MAN1C1: variants seen among roughly 807,000 people sequenced by gnomAD.
MAN1C1 encodes the protein mannosyl-oligosaccharide 1,2-alpha-mannosidase IC.
A neutral mutation model predicts 71.5 loss-of-function variants in MAN1C1; 49 were observed. The ratio of observed to expected loss-of-function variants is 0.69; its 90% CI spans 0.54 to 0.87. MAN1C1 has a LOEUF of 0.87. MAN1C1 is among the 40% of genes least tolerant of loss of function. The probability of loss-of-function intolerance (pLI) is 0.00; values close to 1 mark genes in which losing one functional copy is unlikely to be tolerated. For missense variants in MAN1C1, 743 were observed against 835.0 expected, an observed-to-expected ratio of 0.89 and a Z score of 1.36; for synonymous variants, 352 against 343.7, an observed-to-expected ratio of 1.02 and a Z score of -0.27.
At chr1:25,679,324 C>G (rs561441318) in intron 1 of MAN1C1, among the ~76,000 whole-genome samples, 1 of 152,222 alleles carries the variant, frequency 6.6e-6, no homozygotes, top group Admixed American at 6.5e-5. Context: ...ATAGCTAGTT[C>G]CTAATTTGTT....
chr1:25,710,194 G>A (rs2046595565), intron 2 of MAN1C1: 1 of 152,274 alleles, frequency 6.6e-6, no homozygotes, highest in Admixed American at 6.5e-5. Context: ...GACAGCTGGG[G>A]TGGGAATCCT....
At chr1:25,726,254 A>G (rs2046829064) in intron 2 of MAN1C1, among the ~76,000 whole-genome samples, 1 of 152,138 alleles carries the variant, frequency 6.6e-6, no homozygotes, top group Non-Finnish European at 1.5e-5. Flanking sequence ...AAAGGGAGGG[A>G]GGACCACCAC....
intron 1 of MAN1C1, among the ~76,000 whole-genome samples, chr1:25,622,185 C>G (rs1318723852): frequency 6.6e-6 from 1 of 152,130 alleles, no homozygotes; most frequent in Non-Finnish European, 1.5e-5. Context: ...TGCTGTTGGC[C>G]CAGTGTTCTT....
chr1:25,756,321 C>T (rs11247647), intron 5 of MAN1C1, among the ~76,000 whole-genome samples: 12,393 of 152,214 alleles, frequency 0.081, 770 homozygotes, highest in East Asian at 0.23. Flanking sequence ...GGAAGCTGGG[C>T]AGGAGAGGAA....
chr1:25,750,548 C>T (rs749188887), intron 4 of MAN1C1, among the ~76,000 whole-genome samples: 8 of 152,194 alleles, frequency 5.3e-5, no homozygotes, highest in Admixed American at 2.0e-4. Flanking sequence ...AAGTCATTTC[C>T]GCTTCCCTTC....
intron 1 of MAN1C1, among the ~76,000 whole-genome samples, chr1:25,619,412 C>T (rs1305665848): frequency 6.6e-6 from 1 of 152,188 alleles, no homozygotes; most frequent in East Asian, 1.9e-4. Flanking sequence ...CCAGGAAGAG[C>T]AGGCAGCAAG....
rs566775663 is a variant in MAN1C1 at position 25,651,672 on chromosome 1, A to G, written c.540+33335A>G. 7.2e-5 allele frequency among the ~76,000 whole-genome samples: 11 copies of G among 152,314 alleles called. No homozygotes were observed. In the South Asian group the frequency reaches 2.3e-3, roughly 32 times the overall value. ...GCAGGAGCTCAGAATTAACATGCTT[A>G]TTCTGTAACCACACGCGGGTCTTTC... On this transcript the variant is annotated intron_variant, in intron 1 of 11. Coordinates refer to ENST00000374332, the MANE Select transcript of MAN1C1 (RefSeq NM_020379.4).
At chr1:25,682,052 TG>T (rs769686239) in intron 1 of MAN1C1, among the ~76,000 whole-genome samples, 1 of 152,150 alleles carries the variant, frequency 6.6e-6, no homozygotes, top group Non-Finnish European at 1.5e-5. Context: ...TGTACAAAAA[TG>T]GAGAATCGGG....
intron 2 of MAN1C1, among the ~76,000 whole-genome samples, chr1:25,693,428 G>A (rs1352221272): frequency 6.6e-6 from 1 of 152,204 alleles, no homozygotes; most frequent in Non-Finnish European, 1.5e-5. Flanking sequence ...TCAGGAGTTC[G>A]AAACCAGCCT....
At chr1:25,630,125 A>G (rs2045357082) in intron 1 of MAN1C1, among the ~76,000 whole-genome samples, 1 of 152,116 alleles carries the variant, frequency 6.6e-6, no homozygotes. Flanking sequence ...CAGTTTTCCC[A>G]GCACCATTTA....
chr1:25,702,424 G>A (rs1351441712), intron 2 of MAN1C1, among the ~76,000 whole-genome samples: 1 of 152,206 alleles, frequency 6.6e-6, no homozygotes, highest in Non-Finnish European at 1.5e-5. Flanking sequence ...TGAGGGTCGG[G>A]GCTGCAGCTC....
chr1:25,648,598 C>T (rs1405747338), intron 1 of MAN1C1, among the ~76,000 whole-genome samples: 2 of 152,202 alleles, frequency 1.3e-5, no homozygotes, highest in Non-Finnish European at 2.9e-5. Context: ...CTGCCCTTTA[C>T]TGGGCAGCAG....
At chr1:25,705,558 A>C (rs1389092554) in intron 2 of MAN1C1, among the ~76,000 whole-genome samples, 1 of 152,242 alleles carries the variant, frequency 6.6e-6, no homozygotes, top group Non-Finnish European at 1.5e-5. Flanking sequence ...TAATCTTTAC[A>C]CATTTGCCTT....
chr1:25,622,722 C>T (rs1242710898), intron 1 of MAN1C1, among the ~76,000 whole-genome samples: 1 of 152,156 alleles, frequency 6.6e-6, no homozygotes, highest in Admixed American at 6.5e-5. Flanking sequence ...GAGGGAGCAC[C>T]CCAGCTCTTG....
chr1:25,679,677 TTC>T (rs538485198), intron 1 of MAN1C1, among the ~76,000 whole-genome samples: 1 of 151,970 alleles, frequency 6.6e-6, no homozygotes, highest in African/African-American at 2.4e-5. Flanking sequence ...CCTGTTTGCT[TTC>T]TCTCTCTGTT....
chr1:25,765,272 G>A, intron 7 of MAN1C1, among the ~76,000 whole-genome samples: 1 of 152,158 alleles, frequency 6.6e-6, no homozygotes, highest in East Asian at 1.9e-4. Flanking sequence ...CAGGCCTCTG[G>A]AATGTGCATG....
At chr1:25,618,391 A>G in intron 1 of MAN1C1, 54 bp downstream of exon 1, 2 of 1,525,324 alleles carry the variant, frequency 1.3e-6, no homozygotes, top group Non-Finnish European at 1.8e-6. Flanking sequence ...TAAGGAGAGA[A>G]GACCCTCTGG....
At position 25,783,679 on chromosome 1, in the gene MAN1C1, T is replaced by C; in HGVS notation, c.1783T>C (p.Phe595Leu). 6.2e-7 allele frequency: 1 copy of C among 1,612,752 alleles called. No individual in the cohort carries two copies. ...GGGGCACAGGTATCTCTATCTTCTGTTCTCTGAAGATGACTTGCTCTCCCT... is the reference window on the plus strand; with the variant it reads ...GGGGCACAGGTATCTCTATCTTCTGCTCTCTGAAGATGACTTGCTCTCCCT... ...AETLKYLYLL[F>L]SEDDLLSLED... Residue 595 changes from phenylalanine (F) to leucine (L), a missense_variant, in exon 12 of 12, where the codon TTC becomes CTC. Phe to Leu is a conservative substitution (Grantham distance 22). Coordinates refer to ENST00000374332, the MANE Select transcript of MAN1C1 (RefSeq NM_020379.4).
intron 2 of MAN1C1, among the ~76,000 whole-genome samples, chr1:25,700,359 G>A (rs538772156): frequency 6.6e-6 from 1 of 152,342 alleles, no homozygotes; most frequent in South Asian, 2.1e-4. Context: ...AATAGCACTT[G>A]CCCAGAAATG....
Sources: allele counts gnomAD v4.1 joint callset (sites outside exome capture counted in the v4.1 genomes callset), GRCh38; gene constraint gnomAD v4.1.1; transcripts MANE v1.5; gene names NCBI Gene and HGNC (gene_info 2026-07-23, HGNC 2026-07-21).